The following GRIK2 variants were observed in gnomAD, a reference collection of about 807,000 sequenced individuals.
GRIK2 encodes glutamate ionotropic receptor kainate type subunit 2, also known as glutamate receptor ionotropic, kainate 2.
A neutral mutation model predicts 100.3 loss-of-function variants in GRIK2; 32 were observed. The ratio of observed to expected loss-of-function variants is 0.32; its 90% CI spans 0.24 to 0.43. The LOEUF (loss-of-function observed/expected upper bound fraction) is 0.43. Ranked by LOEUF, GRIK2 falls within the 20% of genes least tolerant of loss-of-function variation. The pLI is 1.00. For missense variants in GRIK2, 843 were observed against 1,114.9 expected, an observed-to-expected ratio of 0.76 and a Z score of 3.47; for synonymous variants, 417 against 389.4, an observed-to-expected ratio of 1.07 and a Z score of -0.83.
chr6:101,662,391 A>G (rs1002839324), intron 4 of GRIK2, among the ~76,000 whole-genome samples: 3 of 152,196 alleles, frequency 2.0e-5, no homozygotes, highest in South Asian at 2.1e-4. Flanking sequence ...GCCACACTTG[A>G]GTTTCAAGAA....
intron 14 of GRIK2, among the ~76,000 whole-genome samples, chr6:101,974,989 C>A (rs180850054): frequency 0.016 from 2,473 of 151,690 alleles, 70 homozygotes; most frequent in African/African-American, 0.058. Context: ...ATCAAGAAGA[C>A]AAAAAATCTT....
intron 7 of GRIK2, among the ~76,000 whole-genome samples, chr6:101,746,016 A>G (rs1250199301): frequency 6.6e-6 from 1 of 152,160 alleles, no homozygotes; most frequent in Non-Finnish European, 1.5e-5. Context: ...CATCATTCCA[A>G]CTTCACCACG....
chr6:101,780,802 C>T (rs1008978280), intron 7 of GRIK2, among the ~76,000 whole-genome samples: 13 of 152,172 alleles, frequency 8.5e-5, no homozygotes, highest in Non-Finnish European at 1.8e-4. Context: ...AGAGACGCCT[C>T]TTAGGCCCCA....
intron 14 of GRIK2, among the ~76,000 whole-genome samples, chr6:101,986,982 A>C (rs942959836): frequency 6.6e-6 from 1 of 151,728 alleles, no homozygotes; most frequent in Non-Finnish European, 1.5e-5. Context: ...TATATTAAAA[A>C]ATAAAATAAA....
intron 2 of GRIK2, among the ~76,000 whole-genome samples, chr6:101,459,450 C>T (rs940754329): frequency 4.7e-4 from 71 of 152,276 alleles, no homozygotes; most frequent in African/African-American, 1.7e-3. Flanking sequence ...ATTGCTTTCC[C>T]AGTCTTTGTT....
At chr6:101,893,255 C>G (rs897095733) in intron 12 of GRIK2, among the ~76,000 whole-genome samples, 2 of 151,266 alleles carry the variant, frequency 1.3e-5, no homozygotes, top group South Asian at 4.2e-4. Context: ...TTCTTTGTCT[C>G]CATAACAATT....
At chr6:101,693,594 C>T (rs971382440) in intron 7 of GRIK2, among the ~76,000 whole-genome samples, 14 of 151,998 alleles carry the variant, frequency 9.2e-5, no homozygotes, top group African/African-American at 3.4e-4. Context: ...GTGGTTAGAA[C>T]GTGGACTTAT....
chr6:101,742,222 C>T (rs1054609759), intron 7 of GRIK2, among the ~76,000 whole-genome samples: 3 of 152,170 alleles, frequency 2.0e-5, no homozygotes, highest in African/African-American at 7.2e-5. Context: ...CGCAGTATGC[C>T]AATCACTAAG....
chr6:101,920,856 A>G (rs1395604329), intron 12 of GRIK2, among the ~76,000 whole-genome samples: 3 of 151,652 alleles, frequency 2.0e-5, no homozygotes, highest in African/African-American at 4.8e-5. Context: ...TGGATATTTT[A>G]TATATGGACA....
At chr6:101,818,602 T>C in intron 10 of GRIK2, 119 bp downstream of exon 10, 1 of 633,032 alleles carries the variant, frequency 1.6e-6, no homozygotes, top group Non-Finnish European at 2.8e-6. Flanking sequence ...TATTTAGCAA[T>C]TACTGTACAA....
intron 15 of GRIK2, among the ~76,000 whole-genome samples, chr6:102,046,631 T>C (rs943991139): frequency 3.3e-5 from 5 of 152,154 alleles, no homozygotes; most frequent in Non-Finnish European, 7.4e-5. Flanking sequence ...ATTAAAACTC[T>C]TTTCTTCATA....
rs376869536 is a variant in GRIK2, at chr6:101,928,427, T to G, written c.1880T>G (p.Met627Arg). The part of the protein sequence containing the change: ...GALMQQGSEL[M>R]PKALSTRIVG... ...CACTCTCTGTTAGGTTCTGAGCTCA[T>G]GCCCAAAGCACTGTCCACCAGGATA... is the stretch of plus-strand genomic sequence containing the variant. The change falls in exon 14 of 17, where the codon ATG (methionine) becomes AGG (arginine). Residue 627 changes from methionine to arginine, a missense_variant. Met to Arg is a moderately conservative substitution (Grantham distance 91). Coordinates refer to ENST00000369134, the MANE Select transcript of GRIK2 (RefSeq NM_021956.5). 13 of 1,570,342 alleles carry G rather than the reference T, an allele frequency of 8.3e-6. No individual in the cohort carries two copies. Among genetic ancestry groups the G allele is most frequent in the Non-Finnish European group, 1.1e-5 (13 of 1,140,276 alleles).
chr6:101,621,850 C>A, intron 2 of GRIK2, 99 bp from the exon 3 acceptor site: 1 of 795,490 alleles, frequency 1.3e-6, no homozygotes, highest in Non-Finnish European at 2.1e-6. Context: ...TGCACTTGCA[C>A]ATATATAAAA....
At chr6:101,526,533 G>T (rs1775165129) in intron 2 of GRIK2, among the ~76,000 whole-genome samples, 1 of 152,176 alleles carries the variant, frequency 6.6e-6, no homozygotes, top group Non-Finnish European at 1.5e-5. Flanking sequence ...AAATGTGGCA[G>T]ATTAATTAAG....
chr6:101,990,904 C>T (rs569410072), intron 14 of GRIK2, among the ~76,000 whole-genome samples: 1 of 151,938 alleles, frequency 6.6e-6, no homozygotes, highest in South Asian at 2.1e-4. Context: ...AATGTTGCTT[C>T]ATTTCAATAG....
At chr6:101,397,839 C>T (rs1775074039) in intron 1 of GRIK2, among the ~76,000 whole-genome samples, 1 of 151,540 alleles carries the variant, frequency 6.6e-6, no homozygotes, top group South Asian at 2.1e-4. Context: ...CAACAGTTTG[C>T]CTTTTGTGAT....
chr6:101,614,788 G>T (rs910195311), intron 2 of GRIK2, among the ~76,000 whole-genome samples: 2 of 151,646 alleles, frequency 1.3e-5, no homozygotes, highest in South Asian at 4.1e-4. Flanking sequence ...TTAAATTAAA[G>T]TCTACAAAAC....
At chr6:101,410,790 A>G (rs1489980317) in intron 2 of GRIK2, among the ~76,000 whole-genome samples, 1 of 152,146 alleles carries the variant, frequency 6.6e-6, no homozygotes, top group Non-Finnish European at 1.5e-5. Context: ...ACCTAAAGTC[A>G]AAGTTAAAAA....
chr6:101,521,678 A>G (rs1440970442), intron 2 of GRIK2, among the ~76,000 whole-genome samples: 2 of 151,914 alleles, frequency 1.3e-5, no homozygotes, highest in African/African-American at 4.8e-5. Context: ...CTTTAAAACA[A>G]TTATGCAGAG....
Sources: gnomAD v4.1 joint callset for allele counts (sites outside exome capture counted in the v4.1 genomes callset) on GRCh38, gnomAD v4.1.1 for gene constraint, MANE v1.5 for transcripts, NCBI Gene and HGNC (gene_info 2026-07-23, HGNC 2026-07-21) for gene names.